The following HNF4A variants were observed in gnomAD, a reference collection of about 807,000 sequenced individuals.
The protein encoded by HNF4A is hepatocyte nuclear factor 4-alpha.
HNF4A carries 15 observed loss-of-function variants against 52.4 expected under a neutral mutation model. The ratio of observed to expected loss-of-function variants is 0.29; its 90% CI spans 0.19 to 0.44. The LOEUF (loss-of-function observed/expected upper bound fraction) is 0.44. HNF4A is among the 20% of genes least tolerant of loss of function. The probability of loss-of-function intolerance (pLI) is 1.00; values close to 1 mark genes in which losing one functional copy is unlikely to be tolerated. For synonymous variants in HNF4A, 280 were observed against 264.4 expected (o/e 1.06, Z -0.57); for missense variants, 479 against 647.2 (o/e 0.74, Z 2.82).
intron 1 of HNF4A, among the ~76,000 whole-genome samples, chr20:44,366,107 T>C (rs1600634502): frequency 1.3e-5 from 2 of 152,064 alleles, no homozygotes; most frequent in South Asian, 4.1e-4. Context: ...AAATCATCAA[T>C]GTATCGCTTT....
At chr20:44,424,559 A>G in intron 8 of HNF4A, 1 of 1,203,920 alleles carries the variant, frequency 8.3e-7, no homozygotes, top group Non-Finnish European at 1.1e-6. Context: ...ATGCGTGGAT[A>G]TCTGTGTATA....
intron 2 of HNF4A, 47 bp from the exon 3 acceptor site, chr20:44,407,334 G>C (rs1019159742): frequency 7.1e-7 from 1 of 1,400,110 alleles, no homozygotes; most frequent in Non-Finnish European, 1.0e-6. Flanking sequence ...TGTCCTAAGA[G>C]GAGGAAGTTG....
intron 1 of HNF4A, among the ~76,000 whole-genome samples, chr20:44,356,349 C>A (rs887154872): frequency 6.6e-6 from 1 of 152,048 alleles, no homozygotes; most frequent in Non-Finnish European, 1.5e-5. Context: ...CAGGGTGGAG[C>A]GTTGGAAAAT....
At chr20:44,364,104 G>GA (rs2062945959) in intron 1 of HNF4A, among the ~76,000 whole-genome samples, 1 of 152,186 alleles carries the variant, frequency 6.6e-6, no homozygotes, top group Non-Finnish European at 1.5e-5. Flanking sequence ...CCCTTTGAGG[G>GA]TAATGTGGGT....
rs558754858 is a variant in HNF4A at position 44,421,730 on chromosome 20, G to A, written c.892+1854G>A. On this transcript the variant is annotated intron_variant, in intron 7 of 9. Coordinates refer to ENST00000316099, the MANE Select transcript of HNF4A (RefSeq NM_000457.6). ...GATCATGCCATTGCACTCCAGCCTGGGCAACAAGAGCAAAACTTCATCTCA... is the reference window on the plus strand; with the variant it reads ...GATCATGCCATTGCACTCCAGCCTGAGCAACAAGAGCAAAACTTCATCTCA... 6.7e-5 allele frequency among the ~76,000 whole-genome samples: 10 copies of A among 148,418 alleles called. No homozygotes were observed. The East Asian group carries it at 9.8e-4, about 15-fold the overall frequency.
At position 44,428,432 on chromosome 20, in the gene HNF4A, C is replaced by A. The variant is rs750106349; in HGVS notation, c.1227C>A (p.Pro409=). ...ACGTCATCGTTGCCAACACAATGCC[C>A]ACTCACCTCAGCAACGGACAGATGT... is the stretch of plus-strand genomic sequence containing the variant. The change falls in exon 9 of 10, where the codon CCC becomes CCA. Residue 409 remains proline (P), a synonymous_variant. Transcript: ENST00000316099. 6.2e-7 allele frequency: 1 copy of A among 1,614,202 alleles called. No homozygotes were observed. Among genetic ancestry groups the A allele is most frequent in the South Asian group, 1.1e-5 (1 of 91,088 alleles).
intron 7 of HNF4A, among the ~76,000 whole-genome samples, chr20:44,422,564 G>A (rs2063760574): frequency 6.6e-6 from 1 of 151,564 alleles, no homozygotes; most frequent in Non-Finnish European, 1.5e-5. Flanking sequence ...GACCGCTTAA[G>A]TTCCTTTCTA....
intron 1 of HNF4A, among the ~76,000 whole-genome samples, chr20:44,364,490 A>C (rs1379466442): frequency 1.3e-5 from 2 of 150,624 alleles, no homozygotes; most frequent in Non-Finnish European, 3.0e-5. Flanking sequence ...TTTTTTTTCT[A>C]GATGGAGTCT....
intron 1 of HNF4A, among the ~76,000 whole-genome samples, chr20:44,393,788 T>G (rs1568710776): frequency 6.6e-6 from 1 of 152,124 alleles, no homozygotes; most frequent in Non-Finnish European, 1.5e-5. Context: ...AATTTACAGG[T>G]GAAGAAACTG....
intron 5 of HNF4A, among the ~76,000 whole-genome samples, chr20:44,415,866 G>T (rs1369832396): frequency 5.3e-5 from 8 of 152,078 alleles, no homozygotes; most frequent in Non-Finnish European, 4.4e-5. Context: ...AGTCGACAGG[G>T]CAAGGATCTT....
intron 1 of HNF4A, among the ~76,000 whole-genome samples, chr20:44,382,924 T>G (rs1463029742): frequency 6.6e-6 from 1 of 152,164 alleles, no homozygotes. Flanking sequence ...ATCCCAACAC[T>G]TTGAAGACTA....
rs776310756 is a variant in HNF4A, at chr20:44,407,384, T to C, written c.294T>C (p.Phe98=). The change falls in exon 3 of 10, where the codon TTT becomes TTC. Residue 98 remains phenylalanine, a synonymous_variant. Transcript: ENST00000316099. ...AACCATCCAAAGCCCTCCCCAGATT[T>C]AGCCGGCAGTGCGTGGTGGACAAAG... 28 of 1,609,464 alleles carry C rather than the reference T, an allele frequency of 1.7e-5. No individual in the cohort carries two copies. Among genetic ancestry groups the C allele is most frequent in the Non-Finnish European group, 2.4e-5 (28 of 1,177,632 alleles).
At chr20:44,384,589 C>T (rs2063197057) in intron 1 of HNF4A, 1 of 152,206 alleles carries the variant, frequency 6.6e-6, no homozygotes, top group South Asian at 2.1e-4. Flanking sequence ...CATATCTATA[C>T]TTGCTTCCCC....
chr20:44,407,417 G>A lies in HNF4A; in HGVS notation c.327G>A (p.Arg109=), dbSNP rs1371208183. 1 of 1,611,608 alleles carries A rather than the reference G, an allele frequency of 6.2e-7. No individual in the cohort carries two copies. Among genetic ancestry groups the A allele is most frequent in the Non-Finnish European group, 8.5e-7 (1 of 1,178,856 alleles). The change falls in exon 3 of 10, where the codon AGG becomes AGA. Residue 109 remains arginine, a synonymous_variant. Coordinates refer to ENST00000316099, the MANE Select transcript of HNF4A (RefSeq NM_000457.6). ...AGTGCGTGGTGGACAAAGACAAGAGGAACCAGTGCCGCTACTGCAGGCTCA... is the reference window on the plus strand; with the variant it reads ...AGTGCGTGGTGGACAAAGACAAGAGAAACCAGTGCCGCTACTGCAGGCTCA...
intron 3 of HNF4A, among the ~76,000 whole-genome samples, chr20:44,411,661 A>G (rs1383010549): frequency 6.6e-6 from 1 of 152,192 alleles, no homozygotes; most frequent in Non-Finnish European, 1.5e-5. Flanking sequence ...GCTCAAGTGC[A>G]AAGGATTTGA....
chr20:44,418,567 C>A, intron 6 of HNF4A, 55 bp downstream of exon 6: 1 of 1,325,802 alleles, frequency 7.5e-7, no homozygotes, highest in Non-Finnish European at 1.1e-6. Context: ...CCTAGCATGG[C>A]ACTCACCCAG....
At chr20:44,398,780 T>G (rs1600692414), upstream of HNF4A, among the ~76,000 whole-genome samples, 1 of 152,346 alleles carries the variant, frequency 6.6e-6, no homozygotes, top group East Asian at 1.9e-4. Flanking sequence ...GGCTGTGGCA[T>G]GGTGTGGTTG....
At chr20:44,428,145 C>T (rs1419112416) in intron 8 of HNF4A, among the ~76,000 whole-genome samples, 190 bp from the exon 9 acceptor site, 3 of 152,144 alleles carry the variant, frequency 2.0e-5, no homozygotes, top group Non-Finnish European at 4.4e-5. Context: ...TTGGGGTCCT[C>T]TTAACACCCT....
intron 1 of HNF4A, among the ~76,000 whole-genome samples, chr20:44,369,909 G>T (rs1456516316): frequency 1.3e-5 from 2 of 152,058 alleles, no homozygotes; most frequent in African/African-American, 4.8e-5. Flanking sequence ...CGCCGCGCCC[G>T]GCCCTGGGCT....
Sources: gnomAD v4.1 joint callset for allele counts (sites outside exome capture counted in the v4.1 genomes callset) on GRCh38, gnomAD v4.1.1 for gene constraint, MANE v1.5 for transcripts, NCBI Gene and HGNC (gene_info 2026-07-23, HGNC 2026-07-21) for gene names.